CNTNAP2: variants seen among roughly 807,000 people sequenced by gnomAD.
CNTNAP2 encodes the protein contactin associated protein 2.
CNTNAP2 carries 98 observed loss-of-function variants against 155.2 expected under a neutral mutation model. The observed-to-expected ratio is 0.63, with a 90% confidence interval of 0.54 to 0.75. The LOEUF (loss-of-function observed/expected upper bound fraction) is 0.75, where lower values mean the gene tolerates loss of function less well. Ranked by LOEUF, CNTNAP2 falls within the 30% of genes least tolerant of loss-of-function variation. The probability of loss-of-function intolerance (pLI) is 0.00; values close to 1 mark genes in which losing one functional copy is unlikely to be tolerated. For missense variants in CNTNAP2, 1,727 were observed against 1,688.1 expected (o/e 1.02, Z -0.40); for synonymous variants, 651 against 631.2 (o/e 1.03, Z -0.47).
chr7:148,215,103 C>T (rs1424140798), intron 18 of CNTNAP2, among the ~76,000 whole-genome samples: 1 of 152,018 alleles, frequency 6.6e-6, no homozygotes, highest in Non-Finnish European at 1.5e-5. Context: ...CAATGGACTC[C>T]GTAACAGTGC....
intron 3 of CNTNAP2, among the ~76,000 whole-genome samples, chr7:146,986,040 G>C (rs1798109654): frequency 6.6e-6 from 1 of 151,950 alleles, no homozygotes. Flanking sequence ...GGAAACAGGT[G>C]GTATTTGGTT....
intron 1 of CNTNAP2, among the ~76,000 whole-genome samples, chr7:146,483,312 T>G (rs866359419): frequency 1.1e-5 from 1 of 93,650 alleles, no homozygotes. Context: ...TATATATATA[T>G]ATATATATAT....
intron 9 of CNTNAP2, among the ~76,000 whole-genome samples, chr7:147,349,605 T>G (rs1584890909): frequency 6.6e-6 from 1 of 151,840 alleles, no homozygotes; most frequent in Non-Finnish European, 1.5e-5. Flanking sequence ...TGTATGTTAT[T>G]TGTAAAAATC....
intron 12 of CNTNAP2, among the ~76,000 whole-genome samples, chr7:147,585,375 G>A (rs1048485533): frequency 6.7e-6 from 1 of 149,666 alleles, no homozygotes. Context: ...TAACTGGTGA[G>A]TTATATATAT....
At chr7:147,252,506 C>T (rs770312830) in intron 8 of CNTNAP2, among the ~76,000 whole-genome samples, 1 of 152,058 alleles carries the variant, frequency 6.6e-6, no homozygotes, top group Non-Finnish European at 1.5e-5. Flanking sequence ...ATTTTAACTT[C>T]CTGGATTTCA....
chr7:147,705,960 T>C (rs1465144283), intron 13 of CNTNAP2, among the ~76,000 whole-genome samples: 1 of 152,016 alleles, frequency 6.6e-6, no homozygotes, highest in Non-Finnish European at 1.5e-5. Flanking sequence ...AAATTTCTTG[T>C]GGGTGGAAGA....
chr7:146,910,953 T>G (rs1450600992), intron 3 of CNTNAP2, among the ~76,000 whole-genome samples: 1 of 150,726 alleles, frequency 6.6e-6, no homozygotes, highest in Non-Finnish European at 1.5e-5. Context: ...TCAAACAAAT[T>G]TACAAGAAAA....
At chr7:148,073,603 A>G (rs1803421530) in intron 15 of CNTNAP2, among the ~76,000 whole-genome samples, 1 of 152,098 alleles carries the variant, frequency 6.6e-6, no homozygotes. Flanking sequence ...TACTTTTATT[A>G]TGGTATATTA....
intron 1 of CNTNAP2, among the ~76,000 whole-genome samples, chr7:146,514,419 C>G (rs1373187713): frequency 6.6e-6 from 1 of 151,902 alleles, no homozygotes; most frequent in African/African-American, 2.4e-5. Flanking sequence ...TTGTTTCTTT[C>G]CATTATTTTT....
intron 12 of CNTNAP2, among the ~76,000 whole-genome samples, chr7:147,624,101 A>G (rs1295661108): frequency 6.6e-6 from 1 of 152,130 alleles, no homozygotes; most frequent in Non-Finnish European, 1.5e-5. Context: ...AACATATACA[A>G]AAAGCAAATC....
chr7:146,787,215 G>T (rs1280219748), intron 2 of CNTNAP2, among the ~76,000 whole-genome samples: 1 of 152,170 alleles, frequency 6.6e-6, no homozygotes, highest in African/African-American at 2.4e-5. Context: ...GTTCTAGAGG[G>T]TGGAAGTTAA....
intron 1 of CNTNAP2, among the ~76,000 whole-genome samples, chr7:146,405,195 A>AC (rs1795773074): frequency 6.6e-6 from 1 of 152,174 alleles, no homozygotes; most frequent in South Asian, 2.1e-4. Flanking sequence ...CCCTGAAGCT[A>AC]CCTGCAGCCC....
intron 3 of CNTNAP2, among the ~76,000 whole-genome samples, chr7:146,944,021 C>T (rs1265909748): frequency 6.6e-6 from 1 of 151,750 alleles, no homozygotes; most frequent in Non-Finnish European, 1.5e-5. Context: ...TTATATTTCT[C>T]TCAACTGCAA....
Position 146,760,409 on chromosome 7 carries a change from C to CTTTTTTTTTTTTTTTTT in CNTNAP2, c.98-13845_98-13829dup, listed in dbSNP as rs532820418. On this transcript the variant is annotated intron_variant, in intron 1 of 23. Transcript: ENST00000361727. ...CACCTCTGTATCATCTCCAATTTAC[C>CTTTTTTTTTTTTTTTTT]TTTTTTTTTTTTTTTTTTTTTTTTT... Among the ~76,000 whole-genome samples the CTTTTTTTTTTTTTTTTT allele has an allele frequency of 4.5e-3, 252 of 56,300 alleles. 30 individuals are homozygous for CTTTTTTTTTTTTTTTTT. The highest frequency in any genetic ancestry group is 8.9e-3 in the East Asian group (11 of 1,240). 36.9% of individuals were successfully genotyped at this position (56,300 alleles called of 152,430 possible). A position where few individuals can be genotyped will look rare whatever the true frequency, so the allele number is the denominator to read the frequency against.
intron 13 of CNTNAP2, among the ~76,000 whole-genome samples, chr7:147,660,404 T>A (rs1795591685): frequency 6.6e-6 from 1 of 152,188 alleles, no homozygotes; most frequent in African/African-American, 2.4e-5. Context: ...TATCTTTCCC[T>A]TCTTCCTCAC....
intron 11 of CNTNAP2, among the ~76,000 whole-genome samples, chr7:147,555,310 G>A (rs1429463591): frequency 3.9e-5 from 6 of 152,024 alleles, no homozygotes; most frequent in Non-Finnish European, 7.4e-5. Flanking sequence ...CTATATCGCC[G>A]CTATGCCTAC....
At chr7:146,865,766 A>C (rs1459801001) in intron 3 of CNTNAP2, among the ~76,000 whole-genome samples, 1 of 152,168 alleles carries the variant, frequency 6.6e-6, no homozygotes, top group Non-Finnish European at 1.5e-5. Flanking sequence ...AAATGATAAA[A>C]GCATAACACA....
At chr7:146,356,811 AACAC>A (rs1795004839) in intron 1 of CNTNAP2, among the ~76,000 whole-genome samples, 1 of 152,030 alleles carries the variant, frequency 6.6e-6, no homozygotes, top group Admixed American at 6.6e-5. Flanking sequence ...CCTCCCTTCA[AACAC>A]ACACACGCAC....
At chr7:146,649,398 T>A (rs1799867847) in intron 1 of CNTNAP2, among the ~76,000 whole-genome samples, 2 of 152,160 alleles carry the variant, frequency 1.3e-5, no homozygotes, top group African/African-American at 2.4e-5. Context: ...GTAGAACTTA[T>A]GATACATGTG....
Sources: allele counts gnomAD v4.1 joint callset (sites outside exome capture counted in the v4.1 genomes callset), GRCh38; gene constraint gnomAD v4.1.1; transcripts MANE v1.5; gene names NCBI Gene and HGNC (gene_info 2026-07-23, HGNC 2026-07-21).